OR9Q1: variants seen among roughly 807,000 people sequenced by gnomAD.
The protein encoded by OR9Q1 is olfactory receptor 9Q1.
For missense variants in OR9Q1, 374 were observed against 378.8 expected (o/e 0.99, Z 0.11); for synonymous variants, 153 against 148.6 (o/e 1.03, Z -0.22).
At chr11:58,036,789 A>G (rs1431747573) in intron 1 of OR9Q1, among the ~76,000 whole-genome samples, 1 of 152,232 alleles carries the variant, frequency 6.6e-6, no homozygotes, top group African/African-American at 2.4e-5. Context: ...TCTCATGACA[A>G]AACGAATGGA....
In OR9Q1 at chr11:58,180,212, C is replaced by T. The variant is rs1565098894; in HGVS notation, c.768C>T (p.Phe256=). ...AVSLFFGTLI[F]MYLRGNSDQS... The stretch of plus-strand genomic sequence containing the variant: ...CACTCTTCTTTGGTACCCTCATCTT[C>T]ATGTACTTGAGAGGTAACTCAGATC... The change falls in exon 3 of 3, where the codon TTC becomes TTT. Residue 256 remains phenylalanine (F), a synonymous_variant. Coordinates refer to ENST00000335397, the MANE Select transcript of OR9Q1 (RefSeq NM_001005212.4). 6.2e-7 allele frequency: 1 copy of T among 1,614,074 alleles called. No individual in the cohort carries two copies. Among genetic ancestry groups the T allele is most frequent in the Non-Finnish European group, 8.5e-7 (1 of 1,179,978 alleles).
intron 1 of OR9Q1, chr11:58,047,133 C>A (rs1853225065): frequency 6.6e-6 from 1 of 152,098 alleles, no homozygotes. Context: ...TAGCAAGGTC[C>A]CTAATTTTGG....
chr11:58,060,964 T>C (rs530483201), intron 2 of OR9Q1, among the ~76,000 whole-genome samples: 10 of 152,316 alleles, frequency 6.6e-5, no homozygotes, highest in Non-Finnish European at 1.0e-4. Context: ...TGTCACATCA[T>C]TGCTGAACTC....
At chr11:58,111,135 T>A (rs890582447) in intron 2 of OR9Q1, among the ~76,000 whole-genome samples, 1 of 152,148 alleles carries the variant, frequency 6.6e-6, no homozygotes, top group South Asian at 2.1e-4. Flanking sequence ...CACTAATGTG[T>A]GGAAATTGAT....
At chr11:58,176,839 T>C (rs1250268752) in intron 2 of OR9Q1, among the ~76,000 whole-genome samples, 1 of 152,126 alleles carries the variant, frequency 6.6e-6, no homozygotes, top group Non-Finnish European at 1.5e-5. Context: ...CCACCCAGAC[T>C]TCCTGATGCT....
At chr11:58,179,012 A>AGAGAGAGAG (rs1854633335) in intron 2 of OR9Q1, among the ~76,000 whole-genome samples, 4 of 132,474 alleles carry the variant, frequency 3.0e-5, no homozygotes, top group Non-Finnish European at 4.7e-5. Flanking sequence ...GAAAGAAAGA[A>AGAGAGAGAG]AGAGAGAGAG....
Position 58,111,884 on chromosome 11 carries a change from TGGGG to T in OR9Q1, c.-15+55942_-15+55945del, listed in dbSNP as rs5792082. 3.9e-3 allele frequency among the ~76,000 whole-genome samples: 587 copies of T among 151,990 alleles called. 5 individuals carry two copies. The highest frequency in any genetic ancestry group is 0.014 in the African/African-American group (566 of 41,450). ...TGATTATTTAGCCACGAGTCCTTTT[TGGGG>T]GGGGTGGGCATGGAAATTTTGAGGT... On this transcript the variant is annotated intron_variant, in intron 2 of 2. Coordinates refer to ENST00000335397, the MANE Select transcript of OR9Q1 (RefSeq NM_001005212.4).
intron 2 of OR9Q1, among the ~76,000 whole-genome samples, chr11:58,130,112 G>C (rs1229056807): frequency 6.6e-6 from 1 of 152,022 alleles, no homozygotes; most frequent in East Asian, 1.9e-4. Flanking sequence ...CATCTGTAGG[G>C]CCTAGAACAG....
intron 2 of OR9Q1, among the ~76,000 whole-genome samples, chr11:58,168,561 A>T (rs1854526762): frequency 1.3e-5 from 2 of 152,088 alleles, no homozygotes; most frequent in African/African-American, 4.8e-5. Context: ...TGTTTTTCTC[A>T]TTAATCAATT....
rs577315662 is a variant in OR9Q1, at chr11:58,106,685, G to A, written c.-15+50738G>A. 4.7e-4 allele frequency among the ~76,000 whole-genome samples: 71 copies of A among 152,182 alleles called. No individual in the cohort carries two copies. The Middle Eastern group carries it at 0.024, about 51-fold the overall frequency. ...TTAATTTTTGTGTGTGCATAACGTA[G>A]GGTCCAGTGTCATTCTTTTGCATAG... On this transcript the variant is annotated intron_variant, in intron 2 of 2. Transcript: ENST00000335397.
intron 2 of OR9Q1, among the ~76,000 whole-genome samples, chr11:58,159,751 G>A (rs1376488): frequency 0.12 from 18,697 of 152,242 alleles, 1,554 homozygotes; most frequent in Non-Finnish European, 0.2. Context: ...TGAAGATGGA[G>A]GTCAGGTTCA....
chr11:58,123,767 A>C (rs1322296301), intron 2 of OR9Q1, among the ~76,000 whole-genome samples: 2 of 152,174 alleles, frequency 1.3e-5, no homozygotes, highest in Non-Finnish European at 2.9e-5. Flanking sequence ...TGCAGATCCA[A>C]GCCCCAAACC....
intron 2 of OR9Q1, among the ~76,000 whole-genome samples, chr11:58,106,116 C>T (rs1459414928): frequency 1.3e-5 from 2 of 151,764 alleles, no homozygotes; most frequent in Non-Finnish European, 2.9e-5. Flanking sequence ...TGGAACACAT[C>T]CAAGGGTTCC....
intron 2 of OR9Q1, among the ~76,000 whole-genome samples, chr11:58,067,143 T>C (rs1256314591): frequency 6.6e-6 from 1 of 152,092 alleles, no homozygotes; most frequent in Non-Finnish European, 1.5e-5. Flanking sequence ...GCCATTCTCC[T>C]GCCTCAGCCT....
intron 2 of OR9Q1, among the ~76,000 whole-genome samples, chr11:58,159,873 C>A (rs1854441773): frequency 6.6e-6 from 1 of 152,206 alleles, no homozygotes; most frequent in African/African-American, 2.4e-5. Flanking sequence ...TCTCTTCCTG[C>A]AATAAGATAT....
chr11:58,085,104 G>A (rs2120051248), intron 2 of OR9Q1, among the ~76,000 whole-genome samples: 1 of 151,950 alleles, frequency 6.6e-6, no homozygotes, highest in Admixed American at 6.5e-5. Flanking sequence ...AAATCACCTT[G>A]TATTGATTCT....
chr11:58,170,966 G>A (rs921172938), intron 2 of OR9Q1: 1 of 152,144 alleles, frequency 6.6e-6, no homozygotes, highest in Non-Finnish European at 1.5e-5. Flanking sequence ...TTAAAGAAAA[G>A]CATGTGACAA....
At chr11:58,125,781 T>C (rs1483868917) in intron 2 of OR9Q1, among the ~76,000 whole-genome samples, 1 of 152,184 alleles carries the variant, frequency 6.6e-6, no homozygotes, top group African/African-American at 2.4e-5. Flanking sequence ...ACAAATCTTA[T>C]GGGAGCTCAT....
intron 2 of OR9Q1, among the ~76,000 whole-genome samples, chr11:58,152,583 G>T (rs1398524010): frequency 2.6e-5 from 4 of 151,914 alleles, no homozygotes; most frequent in Non-Finnish European, 1.5e-5. Flanking sequence ...TGATTGATTT[G>T]TAACAGTAAC....
Sources: allele counts gnomAD v4.1 joint callset (sites outside exome capture counted in the v4.1 genomes callset), GRCh38; gene constraint gnomAD v4.1.1; transcripts MANE v1.5; gene names NCBI Gene and HGNC (gene_info 2026-07-23, HGNC 2026-07-21).